NUDCD1: variants seen among roughly 807,000 people sequenced by gnomAD.
NUDCD1 encodes the protein nudC domain-containing protein 1.
A neutral mutation model predicts 67.8 loss-of-function variants in NUDCD1; 60 were observed. The observed-to-expected ratio is 0.88, with a 90% confidence interval of 0.72 to 1.10. The LOEUF (loss-of-function observed/expected upper bound fraction) is 1.10. Among genes scored for constraint, NUDCD1 ranks in the 50% least tolerant of loss-of-function variants. The probability of loss-of-function intolerance (pLI) is 0.00; values close to 1 mark genes in which losing one functional copy is unlikely to be tolerated. For synonymous variants in NUDCD1, 244 were observed against 230.8 expected (o/e 1.06, Z -0.52); for missense variants, 643 against 695.0 (o/e 0.93, Z 0.84).
intron 2 of NUDCD1, among the ~76,000 whole-genome samples, chr8:109,307,376 T>C (rs1815132836): frequency 6.6e-6 from 1 of 152,192 alleles, no homozygotes. Flanking sequence ...TTGGACTCAG[T>C]CCGCCTGCAC....
intron 5 of NUDCD1, among the ~76,000 whole-genome samples, chr8:109,282,841 T>C (rs1347477364): frequency 7.2e-6 from 1 of 139,630 alleles, no homozygotes; most frequent in African/African-American, 3.1e-5. Context: ...ATAAAAAAAT[T>C]CCAAAAAAAA....
chr8:109,326,228 T>C (rs1815679588), intron 1 of NUDCD1, among the ~76,000 whole-genome samples: 1 of 152,190 alleles, frequency 6.6e-6, no homozygotes, highest in Non-Finnish European at 1.5e-5. Flanking sequence ...AACAAAATAA[T>C]TTATATAAGT....
intron 8 of NUDCD1, among the ~76,000 whole-genome samples, chr8:109,262,793 C>T (rs914929351): frequency 6.6e-6 from 1 of 151,962 alleles, no homozygotes; most frequent in Non-Finnish European, 1.5e-5. Flanking sequence ...TGGTAGCTCA[C>T]GCCCGTAATC....
At chr8:109,263,339 T>A (rs150334062) in intron 8 of NUDCD1, among the ~76,000 whole-genome samples, 1,526 of 152,270 alleles carry the variant, frequency 0.01, 15 homozygotes, top group Non-Finnish European at 0.014. Flanking sequence ...TATAGCAGAT[T>A]CAAGTTCCCT....
rs754502113 is a variant in NUDCD1 at position 109,334,030 on chromosome 8, G to A, written c.-20C>T. 5 of 1,613,872 alleles carry A rather than the reference G, an allele frequency of 3.1e-6. No homozygotes were observed. In the African/African-American group the frequency reaches 5.3e-5, roughly 17 times the overall value. On this transcript the variant is annotated 5_prime_UTR_variant, in exon 1 of 10. The change creates a new upstream start codon in the 5' untranslated region. Transcript: ENST00000239690. ...CTCCATCGCTTTCCAGGGCCGCAGC[G>A]TGAGAATTAATAAAGCCCTTGTTGA... is the stretch of plus-strand genomic sequence containing the variant.
At chr8:109,265,273 GT>G (rs1458543118) in intron 8 of NUDCD1, among the ~76,000 whole-genome samples, 1 of 151,238 alleles carries the variant, frequency 6.6e-6, no homozygotes. Context: ...GGATAATTCT[GT>G]TTTTTATAAT....
chr8:109,300,881 G>T (rs1586291260), intron 2 of NUDCD1, among the ~76,000 whole-genome samples: 1 of 152,308 alleles, frequency 6.6e-6, no homozygotes, highest in East Asian at 1.9e-4. Flanking sequence ...AGAAAAACCT[G>T]TCAGATTAAC....
intron 3 of NUDCD1, among the ~76,000 whole-genome samples, chr8:109,295,161 A>G (rs1814812090): frequency 6.6e-6 from 1 of 152,192 alleles, no homozygotes; most frequent in Non-Finnish European, 1.5e-5. Flanking sequence ...AACCAAAAGA[A>G]GTATAAGCCC....
chr8:109,247,222 A>AT (rs140573162), intron 8 of NUDCD1, among the ~76,000 whole-genome samples: 2,977 of 151,982 alleles, frequency 0.02, 104 homozygotes, highest in African/African-American at 0.069. Context: ...CTGATACTCT[A>AT]TTTTTTTTAA....
chr8:109,272,212 A>G (rs1444958850), intron 7 of NUDCD1, among the ~76,000 whole-genome samples: 1 of 152,126 alleles, frequency 6.6e-6, no homozygotes, highest in East Asian at 1.9e-4. Flanking sequence ...ATAACAAGGT[A>G]TTATTAATTT....
intron 1 of NUDCD1, among the ~76,000 whole-genome samples, chr8:109,328,935 A>G (rs1815743178): frequency 1.3e-5 from 2 of 152,362 alleles, no homozygotes; most frequent in African/African-American, 4.8e-5. Flanking sequence ...AAGCCAATAT[A>G]AAACTGACAT....
Position 109,242,979 on chromosome 8 carries a change from C to T in NUDCD1, c.*30G>A. 1 of 1,463,156 alleles carries T rather than the reference C, an allele frequency of 6.8e-7. No homozygotes were observed. Among genetic ancestry groups the T allele is most frequent in the Non-Finnish European group, 9.5e-7 (1 of 1,057,898 alleles). 90.6% of individuals were successfully genotyped at this position (1,463,156 alleles called of 1,614,324 possible). A position where few individuals can be genotyped will look rare whatever the true frequency, so the allele number is the denominator to read the frequency against. The stretch of plus-strand genomic sequence containing the variant: ...CTCCAGGTACCACTGAATACTTTTC[C>T]AGTACAAAGAGGCCAATATGTTAGA... On this transcript the variant is annotated 3_prime_UTR_variant, in exon 10 of 10. Transcript: ENST00000239690.
chr8:109,265,329 G>A (rs1055847433), intron 8 of NUDCD1, among the ~76,000 whole-genome samples: 10 of 149,396 alleles, frequency 6.7e-5, no homozygotes, highest in Non-Finnish European at 3.0e-5. Flanking sequence ...AATATGGAGG[G>A]AAAAAAAAAG....
At chr8:109,320,389 G>A (rs1047841980) in intron 2 of NUDCD1, among the ~76,000 whole-genome samples, 5 of 152,078 alleles carry the variant, frequency 3.3e-5, no homozygotes, top group African/African-American at 9.7e-5. Flanking sequence ...AGAATTCAGC[G>A]ATATTTCTCC....
At chr8:109,248,241 A>G (rs1813543350) in intron 8 of NUDCD1, among the ~76,000 whole-genome samples, 1 of 152,224 alleles carries the variant, frequency 6.6e-6, no homozygotes. Flanking sequence ...TCCAGAATGA[A>G]TGTAGTCCCT....
chr8:109,323,792 C>T lies in NUDCD1; in HGVS notation c.119-1329G>A, dbSNP rs368439700. ...AGAAATAAATCCATGTACATGTAGC[C>T]AACTGATTTTTGACAAAGGTGCAAA... On this transcript the variant is annotated intron_variant, in intron 1 of 9. Transcript: ENST00000239690. Among the ~76,000 whole-genome samples, 16 of 152,070 alleles carry T rather than the reference C, an allele frequency of 1.1e-4. No homozygotes were observed. In the East Asian group the frequency reaches 1.2e-3, roughly 11 times the overall value.
At chr8:109,266,496 G>A (rs372587306) in intron 8 of NUDCD1, among the ~76,000 whole-genome samples, 19 of 148,712 alleles carry the variant, frequency 1.3e-4, no homozygotes, top group African/African-American at 3.7e-4. Context: ...CGCCCACCTC[G>A]GCCTCCCAAA....
rs554397513 is a variant in NUDCD1, at chr8:109,263,004, G to A, written c.1299+8001C>T. Among the ~76,000 whole-genome samples, 13 of 136,534 alleles carry A rather than the reference G, an allele frequency of 9.5e-5. No individual in the cohort carries two copies. In the South Asian group the frequency reaches 9.6e-4, roughly 10 times the overall value. 89.6% of individuals were successfully genotyped at this position (136,534 alleles called of 152,430 possible). ...TGGGAGGCAAAGGTTGCAGTGAGCC[G>A]AGATCGTGCCAATGCAGTCCAGCTC... On this transcript the variant is annotated intron_variant, in intron 8 of 9. Transcript: ENST00000239690.
At chr8:109,272,017 G>A (rs1323182909) in intron 7 of NUDCD1, among the ~76,000 whole-genome samples, 2 of 151,414 alleles carry the variant, frequency 1.3e-5, no homozygotes, top group Non-Finnish European at 2.9e-5. Context: ...TTTATCACCA[G>A]CAAATCTACA....
Sources: allele counts gnomAD v4.1 joint callset (sites outside exome capture counted in the v4.1 genomes callset), GRCh38; gene constraint gnomAD v4.1.1; transcripts MANE v1.5; gene names NCBI Gene and HGNC (gene_info 2026-07-23, HGNC 2026-07-21).